ZNF804B: variants seen among roughly 807,000 people sequenced by gnomAD.
ZNF804B encodes zinc finger 804B.
In ZNF804B, 80 loss-of-function variants were observed where a neutral mutation model predicts 101.4. The observed-to-expected ratio is 0.79, with a 90% CI of 0.66 to 0.95. ZNF804B has a LOEUF of 0.95. Ranked by LOEUF, ZNF804B falls within the 40% of genes least tolerant of loss-of-function variation. The pLI, the probability that ZNF804B is intolerant of heterozygous loss-of-function variation, is 0.00. For synonymous variants in ZNF804B, 622 were observed against 558.8 expected, an observed-to-expected ratio of 1.11 and a Z score of -1.59; for missense variants, 1,673 against 1,561.9, an observed-to-expected ratio of 1.07 and a Z score of -1.20.
chr7:88,881,066 T>G (rs989953718), intron 1 of ZNF804B, among the ~76,000 whole-genome samples: 7 of 152,040 alleles, frequency 4.6e-5, no homozygotes, highest in Non-Finnish European at 7.4e-5. Flanking sequence ...AATAGTGTTT[T>G]AAAGATAAAA....
chr7:89,169,316 C>T (rs935937596), intron 1 of ZNF804B, among the ~76,000 whole-genome samples: 2 of 152,160 alleles, frequency 1.3e-5, no homozygotes, highest in South Asian at 2.1e-4. Flanking sequence ...GGTTGCCACT[C>T]GCGGCTCGAA....
intron 1 of ZNF804B, among the ~76,000 whole-genome samples, chr7:89,170,190 G>T (rs1242353714): frequency 6.6e-6 from 1 of 152,132 alleles, no homozygotes; most frequent in African/African-American, 2.4e-5. Context: ...ATTTCAAGTT[G>T]AAATTGGGTA....
At chr7:89,182,406 A>T (rs1330242703) in intron 1 of ZNF804B, among the ~76,000 whole-genome samples, 1 of 152,188 alleles carries the variant, frequency 6.6e-6, no homozygotes, top group African/African-American at 2.4e-5. Flanking sequence ...ATGGAGAGGG[A>T]AGACTAACAC....
intron 1 of ZNF804B, among the ~76,000 whole-genome samples, chr7:88,920,466 T>C (rs1792704093): frequency 6.6e-6 from 1 of 152,070 alleles, no homozygotes; most frequent in Non-Finnish European, 1.5e-5. Context: ...ATTAGACAAA[T>C]TTCAAATTTG....
At chr7:89,080,219 A>C (rs1341606818) in intron 1 of ZNF804B, among the ~76,000 whole-genome samples, 2 of 151,764 alleles carry the variant, frequency 1.3e-5, no homozygotes, top group Non-Finnish European at 2.9e-5. Flanking sequence ...AATCCTACTG[A>C]AGTTAATTAG....
intron 1 of ZNF804B, among the ~76,000 whole-genome samples, chr7:89,041,139 G>A (rs1047058653): frequency 2.6e-5 from 4 of 152,122 alleles, no homozygotes; most frequent in African/African-American, 9.7e-5. Context: ...GGTCCATGAG[G>A]ACTAACCTCA....
At chr7:89,099,619 C>T (rs1004732032) in intron 1 of ZNF804B, among the ~76,000 whole-genome samples, 2 of 152,136 alleles carry the variant, frequency 1.3e-5, no homozygotes, top group African/African-American at 2.4e-5. Context: ...GCATGGTGAT[C>T]AAGAGTTCAA....
At chr7:89,220,024 TATATATAC>T (rs1788969013) in intron 2 of ZNF804B, among the ~76,000 whole-genome samples, 1 of 113,504 alleles carries the variant, frequency 8.8e-6, no homozygotes, top group African/African-American at 3.4e-5. Context: ...TGTGTATACA[TATATATAC>T]GCACATATAT....
intron 1 of ZNF804B, among the ~76,000 whole-genome samples, chr7:89,022,011 A>G (rs147866679): frequency 4.1e-4 from 62 of 152,306 alleles, no homozygotes; most frequent in Non-Finnish European, 7.1e-4. Flanking sequence ...AAGGACTACA[A>G]GTGTTTGTGG....
In ZNF804B at chr7:89,097,835, C is replaced by T. The variant is rs1052271639; in HGVS notation, c.109-120320C>T. Among the ~76,000 whole-genome samples, 3 of 152,232 alleles carry T rather than the reference C, an allele frequency of 2.0e-5. No homozygotes were observed. In the East Asian group the frequency reaches 5.8e-4, roughly 29 times the overall value. ...ATTTATTTTATAATGAATCTTCTTTCTGCAAATTCATTTCATTTTCCTACA... is the reference window on the plus strand; with the variant it reads ...ATTTATTTTATAATGAATCTTCTTTTTGCAAATTCATTTCATTTTCCTACA... On this transcript the variant is annotated intron_variant, in intron 1 of 3. Transcript: ENST00000333190.
At chr7:88,780,760 G>A (rs906435951) in intron 1 of ZNF804B, among the ~76,000 whole-genome samples, 1 of 152,110 alleles carries the variant, frequency 6.6e-6, no homozygotes, top group Admixed American at 6.5e-5. Context: ...GACATCAAAA[G>A]TGTGTAAATT....
At chr7:89,307,102 T>C (rs1476491894) in intron 2 of ZNF804B, among the ~76,000 whole-genome samples, 3 of 152,014 alleles carry the variant, frequency 2.0e-5, no homozygotes, top group African/African-American at 7.2e-5. Flanking sequence ...CTTAGTTTAA[T>C]GAGAGAAAAA....
Position 89,136,736 on chromosome 7 carries a change from AGTGTGTGTGT to A in ZNF804B, c.109-81399_109-81390del, listed in dbSNP as rs3059353. Among the ~76,000 whole-genome samples, 1,299 of 145,666 alleles carry A rather than the reference AGTGTGTGTGT, an allele frequency of 8.9e-3. 21 individuals are homozygous for A. The highest frequency in any genetic ancestry group is 0.03 in the African/African-American group (1,211 of 39,860). ...GCTGAATTATATTTGTGTGTGTGTG[AGTGTGTGTGT>A]GTGTGTGTGTGTGTGTGTGCGCGCA... On this transcript the variant is annotated intron_variant, in intron 1 of 3. Coordinates refer to ENST00000333190, the MANE Select transcript of ZNF804B (RefSeq NM_181646.5).
intron 1 of ZNF804B, among the ~76,000 whole-genome samples, chr7:89,112,264 G>A (rs549508660): frequency 3.3e-5 from 5 of 152,162 alleles, no homozygotes; most frequent in African/African-American, 7.2e-5. Context: ...TGACATCTAG[G>A]TCTATGATTT....
chr7:88,964,600 G>A (rs909321634), intron 1 of ZNF804B, among the ~76,000 whole-genome samples: 1 of 151,440 alleles, frequency 6.6e-6, no homozygotes, highest in African/African-American at 2.4e-5. Context: ...GAGATAAACA[G>A]TGGTGATGAT....
intron 2 of ZNF804B, among the ~76,000 whole-genome samples, chr7:89,266,188 C>A (rs979575982): frequency 2.0e-5 from 3 of 152,138 alleles, no homozygotes; most frequent in Non-Finnish European, 4.4e-5. Context: ...CTTTAACAAG[C>A]CACCAGAACA....
intron 1 of ZNF804B, among the ~76,000 whole-genome samples, chr7:89,104,939 C>T (rs1790113025): frequency 6.6e-6 from 1 of 152,070 alleles, no homozygotes; most frequent in African/African-American, 2.4e-5. Flanking sequence ...TTCTACTGTG[C>T]AGCATAAAAA....
In ZNF804B at chr7:88,926,312, T is replaced by G. The variant is rs868012371; in HGVS notation, c.108+166228T>G. 4.0e-5 allele frequency among the ~76,000 whole-genome samples: 6 copies of G among 151,752 alleles called. No individual in the cohort carries two copies. In the South Asian group the frequency reaches 1.0e-3, roughly 26 times the overall value. ...TTATTTAAAATCAAAGGAGGCCGGGTGTGGTGGCTCATGCCTGTAATCCTA... is the reference window on the plus strand; with the variant it reads ...TTATTTAAAATCAAAGGAGGCCGGGGGTGGTGGCTCATGCCTGTAATCCTA... On this transcript the variant is annotated intron_variant, in intron 1 of 3. Coordinates refer to ENST00000333190, the MANE Select transcript of ZNF804B (RefSeq NM_181646.5).
At chr7:89,040,114 A>G (rs1480384756) in intron 1 of ZNF804B, among the ~76,000 whole-genome samples, 1 of 151,964 alleles carries the variant, frequency 6.6e-6, no homozygotes, top group African/African-American at 2.4e-5. Context: ...TCTATAGTGC[A>G]TGCATTGATG....
Sources: gnomAD v4.1 joint callset for allele counts (sites outside exome capture counted in the v4.1 genomes callset) on GRCh38, gnomAD v4.1.1 for gene constraint, MANE v1.5 for transcripts, NCBI Gene and HGNC (gene_info 2026-07-23, HGNC 2026-07-21) for gene names.